The following NUP98 variants were observed in gnomAD, a reference collection of about 807,000 sequenced individuals.
NUP98 encodes the protein nucleoporin 98 and 96 precursor.
NUP98 carries 26 observed loss-of-function variants against 191.9 expected under a neutral mutation model. That is an observed-to-expected ratio of 0.14 (90% CI 0.10 to 0.19). The LOEUF (loss-of-function observed/expected upper bound fraction) is 0.19. Among genes scored for constraint, NUP98 ranks in the 10% least tolerant of loss-of-function variants. The pLI is 1.00. For missense variants in NUP98, 1,941 were observed against 2,178.8 expected (o/e 0.89, Z 2.17); for synonymous variants, 808 against 778.4 (o/e 1.04, Z -0.63).
chr11:3,717,386 T>C (rs1372905561), intron 18 of NUP98, among the ~76,000 whole-genome samples: 6 of 152,228 alleles, frequency 3.9e-5, no homozygotes, highest in Non-Finnish European at 8.8e-5. Context: ...TGTTTTGCAG[T>C]TTTGTATAAA....
At chr11:3,751,232 C>A (rs1237115546) in intron 11 of NUP98, among the ~76,000 whole-genome samples, 3 of 152,054 alleles carry the variant, frequency 2.0e-5, no homozygotes, top group Non-Finnish European at 1.5e-5. Context: ...TGGGCACATG[C>A]CAGTAATCCC....
chr11:3,698,609 C>G (rs1254198580), intron 25 of NUP98, among the ~76,000 whole-genome samples: 1 of 151,152 alleles, frequency 6.6e-6, no homozygotes, highest in Non-Finnish European at 1.5e-5. Context: ...CACCTGTAAT[C>G]TCAGCTACTT....
intron 1 of NUP98, among the ~76,000 whole-genome samples, chr11:3,792,245 A>G (rs1394500135): frequency 1.3e-5 from 2 of 150,466 alleles, no homozygotes; most frequent in African/African-American, 2.4e-5. Context: ...AAGCTTCTCA[A>G]TTCTTAAAAA....
chr11:3,747,612 A>C (rs774662320), intron 11 of NUP98, among the ~76,000 whole-genome samples: 2 of 152,204 alleles, frequency 1.3e-5, no homozygotes, highest in Non-Finnish European at 2.9e-5. Flanking sequence ...TTGGTTTCTT[A>C]CATCGAAGCA....
At chr11:3,707,895 G>T (rs2078911583) in intron 20 of NUP98, among the ~76,000 whole-genome samples, 1 of 152,110 alleles carries the variant, frequency 6.6e-6, no homozygotes, top group Non-Finnish European at 1.5e-5. Flanking sequence ...GAGGTCAGGA[G>T]TTCGAGACCA....
chr11:3,696,375 G>A (rs548606014), intron 25 of NUP98, among the ~76,000 whole-genome samples: 22 of 151,410 alleles, frequency 1.5e-4, no homozygotes, highest in African/African-American at 5.3e-4. Flanking sequence ...GGTGGCACGT[G>A]ACTGGAGTCC....
At chr11:3,754,451 A>G (rs888486885) in intron 10 of NUP98, among the ~76,000 whole-genome samples, 1 of 152,094 alleles carries the variant, frequency 6.6e-6, no homozygotes, top group Non-Finnish European at 1.5e-5. Context: ...AATAAAAATA[A>G]AACAATCAAC....
At chr11:3,785,327 T>C (rs1278784431) in intron 1 of NUP98, among the ~76,000 whole-genome samples, 1 of 152,172 alleles carries the variant, frequency 6.6e-6, no homozygotes, top group African/African-American at 2.4e-5. Context: ...ATCTCTCTTC[T>C]GTGAGAGCAT....
At chr11:3,709,981 TAA>T (rs71041378) in intron 20 of NUP98, among the ~76,000 whole-genome samples, 2 of 113,994 alleles carry the variant, frequency 1.8e-5, no homozygotes, top group Admixed American at 9.5e-5. Flanking sequence ...AATAATAATT[TAA>T]AAAAAAAAAG....
chr11:3,680,128 G>T (rs2077939600), intron 30 of NUP98, among the ~76,000 whole-genome samples: 1 of 152,142 alleles, frequency 6.6e-6, no homozygotes, highest in Admixed American at 6.5e-5. Flanking sequence ...GACTGATCAG[G>T]GTGTTGCCTG....
chr11:3,701,709 T>G (rs1470789775), intron 23 of NUP98, among the ~76,000 whole-genome samples: 34 of 151,150 alleles, frequency 2.2e-4, no homozygotes, highest in Admixed American at 1.3e-4. Flanking sequence ...TTTTTGAGAC[T>G]GAGTCTCATT....
chr11:3,712,418 C>T, intron 20 of NUP98, 146 bp downstream of exon 20: 3 of 1,453,084 alleles, frequency 2.1e-6, no homozygotes, highest in Non-Finnish European at 2.7e-6. Context: ...CTCACGCCCT[C>T]CCTTGCACTT....
At chr11:3,678,449 A>G (rs1402204708) in intron 31 of NUP98, among the ~76,000 whole-genome samples, 7 of 152,226 alleles carry the variant, frequency 4.6e-5, no homozygotes, top group Non-Finnish European at 8.8e-5. Context: ...GAAAATATGA[A>G]TAAGTAACTA....
At chr11:3,747,304 T>TA (rs2080543030) in intron 11 of NUP98, among the ~76,000 whole-genome samples, 1 of 152,192 alleles carries the variant, frequency 6.6e-6, no homozygotes, top group Non-Finnish European at 1.5e-5. Flanking sequence ...TTGTTAGAAT[T>TA]TAAATTTATC....
chr11:3,722,449 CT>C, intron 16 of NUP98, among the ~76,000 whole-genome samples: 1 of 149,686 alleles, frequency 6.7e-6, no homozygotes, highest in African/African-American at 2.5e-5. Context: ...CCTTATGATA[CT>C]AAGTAACCAA....
chr11:3,777,184 ATTACT>A (rs1198501816), intron 4 of NUP98, among the ~76,000 whole-genome samples: 2 of 152,214 alleles, frequency 1.3e-5, no homozygotes, highest in Non-Finnish European at 2.9e-5. Flanking sequence ...GCCACTGTCA[ATTACT>A]TTACAGAAAC....
rs148150823 is a variant in NUP98 at position 3,724,520 on chromosome 11, G to A, written c.1847+583C>T. Among the ~76,000 whole-genome samples the A allele has an allele frequency of 1.9e-3, 291 of 151,694 alleles. 3 individuals carry two copies. The highest frequency in any genetic ancestry group is 6.6e-3 in the African/African-American group (275 of 41,376). The stretch of plus-strand genomic sequence containing the variant: ...AGAATCACTGTACAAGGCTGGGCAC[G>A]GTGGCTCACGCATGTAATACCAACG... On this transcript the variant is annotated intron_variant, in intron 15 of 32. Transcript: ENST00000324932.
At chr11:3,775,775 G>A (rs1004947867) in intron 5 of NUP98, 107 bp downstream of exon 5, 19 of 1,012,734 alleles carry the variant, frequency 1.9e-5, no homozygotes, top group Non-Finnish European at 2.7e-5. Context: ...ACATCGTTCA[G>A]GCAGTGTCAA....
intron 11 of NUP98, among the ~76,000 whole-genome samples, chr11:3,744,959 G>A (rs544671919): frequency 6.6e-6 from 1 of 152,180 alleles, no homozygotes; most frequent in African/African-American, 2.4e-5. Flanking sequence ...AGAAGACATC[G>A]GGAACATACT....
Sources: allele counts gnomAD v4.1 joint callset (sites outside exome capture counted in the v4.1 genomes callset), GRCh38; gene constraint gnomAD v4.1.1; transcripts MANE v1.5; gene names NCBI Gene and HGNC (gene_info 2026-07-23, HGNC 2026-07-21).